The following ATP9A variants were observed in gnomAD, a reference collection of about 807,000 sequenced individuals.
The protein encoded by ATP9A is probable phospholipid-transporting ATPase IIA.
A neutral mutation model predicts 144.1 loss-of-function variants in ATP9A; 52 were observed. That is an observed-to-expected ratio of 0.36 (90% confidence interval 0.29 to 0.45). The LOEUF is 0.45. Among genes scored for constraint, ATP9A ranks in the 20% least tolerant of loss-of-function variants. ATP9A has a pLI of 1.00. For missense variants in ATP9A, 947 were observed against 1,392.7 expected (o/e 0.68, Z 5.09); for synonymous variants, 582 against 557.4 (o/e 1.04, Z -0.62).
intron 10 of ATP9A, among the ~76,000 whole-genome samples, chr20:51,674,658 C>T (rs1049725415): frequency 3.9e-5 from 6 of 152,164 alleles, no homozygotes; most frequent in African/African-American, 1.4e-4. Context: ...GGGTCGTGTG[C>T]TGAATAGCCT....
At chr20:51,706,328 C>T (rs1245649590) in intron 4 of ATP9A, among the ~76,000 whole-genome samples, 1 of 152,220 alleles carries the variant, frequency 6.6e-6, no homozygotes, top group African/African-American at 2.4e-5. Flanking sequence ...TTTGCTAGCT[C>T]ATCATCCAAG....
chr20:51,686,229 T>C (rs1487351693), intron 9 of ATP9A, among the ~76,000 whole-genome samples: 1 of 144,344 alleles, frequency 6.9e-6, no homozygotes, highest in Non-Finnish European at 1.5e-5. Flanking sequence ...CGTGGGGGAG[T>C]GGGGAGGGAT....
At chr20:51,686,230 G>T (rs1049379593) in intron 9 of ATP9A, among the ~76,000 whole-genome samples, 5 of 152,064 alleles carry the variant, frequency 3.3e-5, no homozygotes, top group African/African-American at 1.2e-4. Flanking sequence ...GTGGGGGAGT[G>T]GGGAGGGATA....
intron 15 of ATP9A, among the ~76,000 whole-genome samples, chr20:51,637,786 T>A (rs2077299054): frequency 6.6e-6 from 1 of 151,280 alleles, no homozygotes; most frequent in African/African-American, 2.4e-5. Flanking sequence ...TTTATGAGAT[T>A]TTCGTGCACC....
Position 51,734,151 on chromosome 20 carries a change from G to A in ATP9A, c.69-4173C>T, listed in dbSNP as rs116535899. ...GCACAATCACACCTGGCTAATTTTT[G>A]TAATTTTTTTTTTGTAGAGATGGGG... On this transcript the variant is annotated intron_variant, in intron 1 of 27. Transcript: ENST00000338821. Among the ~76,000 whole-genome samples, 352 of 141,766 alleles carry A rather than the reference G, an allele frequency of 2.5e-3. 2 individuals carry two copies. Among genetic ancestry groups the A allele is most frequent in the African/African-American group, 8.9e-3 (343 of 38,428 alleles). The allele number at this position is 141,766 out of a possible 152,430, so 93.0% of individuals were successfully genotyped here. A position where few individuals can be genotyped will look rare whatever the true frequency, so the allele number is the denominator to read the frequency against.
At chr20:51,660,591 T>C (rs918379279) in intron 13 of ATP9A, among the ~76,000 whole-genome samples, 2 of 152,214 alleles carry the variant, frequency 1.3e-5, no homozygotes, top group African/African-American at 4.8e-5. Flanking sequence ...CCTACTAAAA[T>C]GTTCCAGGAA....
intron 14 of ATP9A, among the ~76,000 whole-genome samples, chr20:51,643,747 C>T (rs1328602448): frequency 1.3e-5 from 2 of 152,154 alleles, no homozygotes; most frequent in Non-Finnish European, 2.9e-5. Flanking sequence ...GCCAAACAGA[C>T]TAAGACACTC....
chr20:51,752,151 G>A (rs897866172), intron 1 of ATP9A, among the ~76,000 whole-genome samples: 1 of 152,206 alleles, frequency 6.6e-6, no homozygotes, highest in African/African-American at 2.4e-5. Flanking sequence ...AGACACAGCT[G>A]AGCTGAGACC....
chr20:51,708,665 G>A (rs930482746), intron 4 of ATP9A, among the ~76,000 whole-genome samples: 1 of 152,176 alleles, frequency 6.6e-6, no homozygotes, highest in East Asian at 1.9e-4. Context: ...GAATCCAGGA[G>A]GTGGAGGTTG....
At chr20:51,696,634 T>G (rs1488608634) in intron 5 of ATP9A, among the ~76,000 whole-genome samples, 3 of 152,208 alleles carry the variant, frequency 2.0e-5, no homozygotes, top group African/African-American at 7.2e-5. Context: ...GGGGAGCCAG[T>G]AGCCCCCATT....
rs117858424 is a variant in ATP9A at position 51,690,826 on chromosome 20, A to G, written c.643-7T>C. The G allele has an allele frequency of 1.1e-3, 1,835 of 1,613,360 alleles. 31 individuals are homozygous for G. The East Asian group carries it at 0.035, about 30-fold the overall frequency. On this transcript the variant is annotated splice_region_variant and splice_polypyrimidine_tract_variant and intron_variant, in intron 7 of 27. Transcript: ENST00000338821. ...ATCGAATCTGAAGAAGGTCCTGTTC[A>G]ACAGAAGGCACATTCGGGAGTCAAA...
chr20:51,662,671 A>C (rs957891766), intron 13 of ATP9A, among the ~76,000 whole-genome samples: 2 of 152,254 alleles, frequency 1.3e-5, no homozygotes, highest in Non-Finnish European at 2.9e-5. Flanking sequence ...TGTGTTATGA[A>C]ACCATTAAAA....
At chr20:51,601,999 T>C (rs1459918845) in intron 27 of ATP9A, among the ~76,000 whole-genome samples, 3 of 152,208 alleles carry the variant, frequency 2.0e-5, no homozygotes, top group Non-Finnish European at 2.9e-5. Context: ...TTGGAGAGTC[T>C]TTCTAAGTCC....
chr20:51,690,191 C>G (rs929444076), intron 8 of ATP9A, among the ~76,000 whole-genome samples: 12 of 145,980 alleles, frequency 8.2e-5, no homozygotes, highest in African/African-American at 2.8e-4. Flanking sequence ...GAGGCCAAGG[C>G]GGGCGGATCA....
chr20:51,651,566 T>C (rs59008946), intron 14 of ATP9A, among the ~76,000 whole-genome samples: 2,936 of 151,888 alleles, frequency 0.019, 94 homozygotes, highest in African/African-American at 0.068. Context: ...CACAGGTTAT[T>C]TTTTATCTTC....
At chr20:51,716,366 G>A (rs1420834153) in intron 3 of ATP9A, among the ~76,000 whole-genome samples, 1 of 152,064 alleles carries the variant, frequency 6.6e-6, no homozygotes, top group African/African-American at 2.4e-5. Flanking sequence ...GGAGGCTGAG[G>A]CGGGAAGATC....
intron 4 of ATP9A, among the ~76,000 whole-genome samples, chr20:51,704,895 A>C (rs1410397225): frequency 6.6e-6 from 1 of 152,232 alleles, no homozygotes; most frequent in African/African-American, 2.4e-5. Flanking sequence ...TGATGCTCTG[A>C]ATCTCAGACA....
chr20:51,762,368 C>T (rs1271024641), intron 1 of ATP9A, among the ~76,000 whole-genome samples: 1 of 151,774 alleles, frequency 6.6e-6, no homozygotes. Context: ...TGGTGGCATG[C>T]GCCTGTAGTC....
chr20:51,695,997 A>G (rs1235298901), intron 6 of ATP9A, 96 bp downstream of exon 6: 1 of 1,189,074 alleles, frequency 8.4e-7, no homozygotes, highest in Non-Finnish European at 1.2e-6. Flanking sequence ...TGGCTCCAAA[A>G]TGATAATCTA....
Sources: allele counts gnomAD v4.1 joint callset (sites outside exome capture counted in the v4.1 genomes callset), GRCh38; gene constraint gnomAD v4.1.1; transcripts MANE v1.5; gene names NCBI Gene and HGNC (gene_info 2026-07-23, HGNC 2026-07-21).